Variants in KSR2 observed in about 807,000 individuals in gnomAD.
KSR2 encodes the protein kinase suppressor of ras 2.
Under a neutral mutation model 107.8 loss-of-function variants are expected in KSR2, and 25 were observed. The ratio of observed to expected loss-of-function variants is 0.23; its 90% confidence interval spans 0.17 to 0.32. The LOEUF is 0.32. Ranked by LOEUF, KSR2 falls within the 10% of genes least tolerant of loss-of-function variation. The probability of loss-of-function intolerance (pLI) is 1.00; values close to 1 mark genes in which losing one functional copy is unlikely to be tolerated. For synonymous variants in KSR2, 480 were observed against 507.0 expected (o/e 0.95, Z 0.71); for missense variants, 887 against 1,268.9 (o/e 0.70, Z 4.57).
rs1458245001 is a variant in KSR2, at chr12:117,897,485, A to G, written c.181-37054T>C. Among the ~76,000 whole-genome samples the G allele has an allele frequency of 3.3e-5, 5 of 152,074 alleles. No individual in the cohort carries two copies. The highest frequency in any genetic ancestry group is 7.3e-5 in the Non-Finnish European group (5 of 68,028). ...CTTTGCAGCATCCAAAAATATAATCAAAGCTTACTGGTGTCTCCTGTGATT... is the reference window on the plus strand; with the variant it reads ...CTTTGCAGCATCCAAAAATATAATCGAAGCTTACTGGTGTCTCCTGTGATT... On this transcript the variant is annotated intron_variant, in intron 1 of 19. Coordinates refer to ENST00000339824, the MANE Select transcript of KSR2 (RefSeq NM_173598.6). This position sits in a 1 kb window ranked among gnomAD's most constrained non-coding sequence, Gnocchi z 4.5.
chr12:117,862,383 G>A (rs1024505277), intron 1 of KSR2, among the ~76,000 whole-genome samples: 1 of 152,120 alleles, frequency 6.6e-6, no homozygotes, highest in African/African-American at 2.4e-5. Context: ...AAAATTCGGA[G>A]GGCCAGGTGC....
chr12:117,622,139 T>C (rs1882234234), intron 5 of KSR2, among the ~76,000 whole-genome samples: 1 of 152,068 alleles, frequency 6.6e-6, no homozygotes, highest in Non-Finnish European at 1.5e-5. Context: ...TTTTCATCAG[T>C]GACTCCCAAT....
intron 4 of KSR2, among the ~76,000 whole-genome samples, chr12:117,681,840 C>T (rs933415240): frequency 3.3e-5 from 5 of 152,062 alleles, no homozygotes; most frequent in Non-Finnish European, 5.9e-5. Flanking sequence ...TTAATTAAAC[C>T]GTTGGGGAAG....
At chr12:117,889,710 G>C (rs1276150873) in intron 1 of KSR2, 2 of 152,204 alleles carry the variant, frequency 1.3e-5, no homozygotes, top group Non-Finnish European at 2.9e-5. Flanking sequence ...TCAGGAACTT[G>C]CTTTATCCTG....
chr12:117,799,685 A>C (rs1437462876), intron 3 of KSR2, among the ~76,000 whole-genome samples: 2 of 152,160 alleles, frequency 1.3e-5, no homozygotes, highest in African/African-American at 4.8e-5. Flanking sequence ...CAGTCACTTC[A>C]AGCTGAGTGA....
intron 1 of KSR2, among the ~76,000 whole-genome samples, chr12:117,918,966 A>G (rs1895264665): frequency 1.3e-5 from 2 of 151,856 alleles, no homozygotes; most frequent in African/African-American, 4.8e-5. Context: ...TGTCTCTACA[A>G]AGAACAAAAA....
chr12:117,604,218 A>C (rs1881106028), intron 5 of KSR2, among the ~76,000 whole-genome samples: 1 of 152,024 alleles, frequency 6.6e-6, no homozygotes, highest in Non-Finnish European at 1.5e-5. Context: ...CGGCCACCCC[A>C]CTCAGCATAA....
chr12:117,855,690 A>G, intron 2 of KSR2, 112 bp from the exon 3 acceptor site: 4 of 1,083,864 alleles, frequency 3.7e-6, no homozygotes, highest in South Asian at 2.9e-5. Context: ...AACGCTTTGC[A>G]TGACAGTGGG....
chr12:117,665,611 T>C (rs997565863), intron 5 of KSR2, among the ~76,000 whole-genome samples: 2 of 152,150 alleles, frequency 1.3e-5, no homozygotes, highest in African/African-American at 2.4e-5. Flanking sequence ...AAATTAACCA[T>C]CAGCCCACAG....
chr12:117,807,165 C>G (rs1891038984), intron 3 of KSR2, among the ~76,000 whole-genome samples: 1 of 152,118 alleles, frequency 6.6e-6, no homozygotes, highest in African/African-American at 2.4e-5. Context: ...CAGCCTCACT[C>G]TCACCCGATG....
intron 4 of KSR2, among the ~76,000 whole-genome samples, chr12:117,731,505 T>C (rs1328324546): frequency 2.0e-5 from 3 of 152,084 alleles, no homozygotes; most frequent in African/African-American, 7.2e-5. Context: ...GAGGAGGCCC[T>C]CTGTCCGGCC....
intron 5 of KSR2, among the ~76,000 whole-genome samples, chr12:117,629,310 C>T (rs1460749539): frequency 6.6e-6 from 1 of 152,204 alleles, no homozygotes; most frequent in African/African-American, 2.4e-5. Context: ...CAGACCAGAG[C>T]TGTTCCTATT....
intron 1 of KSR2, among the ~76,000 whole-genome samples, chr12:117,875,065 G>C (rs561325959): frequency 6.6e-6 from 1 of 152,146 alleles, no homozygotes; most frequent in Non-Finnish European, 1.5e-5. Flanking sequence ...AAAATTTTCC[G>C]GGCCTTGGCC....
intron 7 of KSR2, among the ~76,000 whole-genome samples, chr12:117,565,525 C>T (rs552083503): frequency 3.9e-5 from 6 of 152,266 alleles, no homozygotes; most frequent in Non-Finnish European, 8.8e-5. Flanking sequence ...TACTGAACAT[C>T]TAGCTTTTGT....
chr12:117,807,978 T>C (rs1257982580), intron 3 of KSR2, among the ~76,000 whole-genome samples: 4 of 152,356 alleles, frequency 2.6e-5, no homozygotes, highest in South Asian at 2.1e-4. Context: ...CAGGAGGTAA[T>C]AAATTGCACT....
At position 117,590,716 on chromosome 12, in the gene KSR2, C is replaced by G. The variant is rs193011591; in HGVS notation, c.1172-8357G>C. Among the ~76,000 whole-genome samples the G allele has an allele frequency of 3.4e-4, 52 of 152,282 alleles. 1 individual carries two copies. In the East Asian group the frequency reaches 8.5e-3, roughly 25 times the overall value. ...GTCTAATTTTATAAAGTTTAATTGGCACACAGCCACACCCACTCATTGACA... is the reference window on the plus strand; with the variant it reads ...GTCTAATTTTATAAAGTTTAATTGGGACACAGCCACACCCACTCATTGACA... On this transcript the variant is annotated intron_variant, in intron 5 of 19. Transcript: ENST00000339824.
intron 4 of KSR2, among the ~76,000 whole-genome samples, chr12:117,685,158 T>C (rs911770155): frequency 2.0e-5 from 3 of 152,160 alleles, no homozygotes; most frequent in Non-Finnish European, 4.4e-5. Flanking sequence ...TCCCCTGAGC[T>C]CATCCAGACA....
At chr12:117,940,730 G>A (rs1455258528) in intron 1 of KSR2, among the ~76,000 whole-genome samples, 4 of 152,196 alleles carry the variant, frequency 2.6e-5, no homozygotes, top group African/African-American at 4.8e-5. Context: ...TCCAACCTAC[G>A]GGTATGTATT....
At chr12:117,713,120 A>C (rs2136661460) in intron 4 of KSR2, among the ~76,000 whole-genome samples, 1 of 150,542 alleles carries the variant, frequency 6.6e-6, no homozygotes, top group East Asian at 1.9e-4. Flanking sequence ...ACATATAGAT[A>C]TATGTATATC....
Sources: allele counts gnomAD v4.1 joint callset (sites outside exome capture counted in the v4.1 genomes callset), GRCh38; gene constraint gnomAD v4.1.1; non-coding constraint Gnocchi (gnomAD v3.1); transcripts MANE v1.5; gene names NCBI Gene and HGNC (gene_info 2026-07-23, HGNC 2026-07-21).